Variants in PARD3 observed in about 807,000 individuals in gnomAD.
PARD3 encodes partitioning defective 3 homolog.
PARD3 carries 75 observed loss-of-function variants against 155.4 expected under a neutral mutation model. The observed-to-expected ratio is 0.48, with a 90% CI of 0.40 to 0.58. PARD3 has a LOEUF of 0.58. Among genes scored for constraint, PARD3 ranks in the 20% least tolerant of loss-of-function variants. PARD3 has a pLI of 0.00. For synonymous variants in PARD3, 576 were observed against 610.5 expected, an observed-to-expected ratio of 0.94 and a Z score of 0.83; for missense variants, 1,642 against 1,721.7, an observed-to-expected ratio of 0.95 and a Z score of 0.82.
In PARD3 at chr10:34,567,777, G is replaced by A. The variant is rs553957408; in HGVS notation, c.223-50618C>T. On this transcript the variant is annotated intron_variant, in intron 2 of 24. Coordinates refer to ENST00000374788, the MANE Select transcript of PARD3 (RefSeq NM_001184785.2). ...CTGAAACCAGCAGCTACAGCTGGAC[G>A]TGAAGCTATCAATATTGTACCAAGA... 2.6e-5 allele frequency among the ~76,000 whole-genome samples: 4 copies of A among 152,310 alleles called. No homozygotes were observed. In the East Asian group the frequency reaches 5.8e-4, roughly 22 times the overall value.
intron 16 of PARD3, among the ~76,000 whole-genome samples, chr10:34,337,952 G>A (rs1241420439): frequency 6.6e-6 from 1 of 152,242 alleles, no homozygotes; most frequent in African/African-American, 2.4e-5. Flanking sequence ...CAGTTTCTCT[G>A]AAATATTAAA....
At chr10:34,211,145 C>G (rs576376664) in intron 22 of PARD3, among the ~76,000 whole-genome samples, 1 of 152,336 alleles carries the variant, frequency 6.6e-6, no homozygotes, top group Non-Finnish European at 1.5e-5. Flanking sequence ...TAAACATTCG[C>G]TCTCTTCCCT....
At chr10:34,180,384 ATTACACTGT>A (rs1167951651) in intron 22 of PARD3, among the ~76,000 whole-genome samples, 2 of 152,264 alleles carry the variant, frequency 1.3e-5, no homozygotes, top group East Asian at 3.9e-4. Context: ...AACAATCCAA[ATTACACTGT>A]TTATAAAACT....
intron 2 of PARD3, among the ~76,000 whole-genome samples, chr10:34,681,173 T>A (rs2093810730): frequency 6.6e-6 from 1 of 152,138 alleles, no homozygotes; most frequent in African/African-American, 2.4e-5. Context: ...ACACAGCAAC[T>A]TGACTGAGTA....
At chr10:34,468,275 G>A (rs1485326746) in intron 4 of PARD3, among the ~76,000 whole-genome samples, 1 of 152,168 alleles carries the variant, frequency 6.6e-6, no homozygotes, top group African/African-American at 2.4e-5. Context: ...AACATTCTAA[G>A]TGATAAATTC....
At chr10:34,200,424 A>T (rs1044138983) in intron 22 of PARD3, among the ~76,000 whole-genome samples, 1 of 152,178 alleles carries the variant, frequency 6.6e-6, no homozygotes, top group Non-Finnish European at 1.5e-5. Context: ...CAAAGACTGA[A>T]GAGTTAACAA....
intron 4 of PARD3, among the ~76,000 whole-genome samples, chr10:34,461,165 G>A (rs577860798): frequency 2.6e-5 from 4 of 152,318 alleles, no homozygotes; most frequent in Admixed American, 6.5e-5. Flanking sequence ...AAAGTCCTTA[G>A]AATGCAAACA....
At chr10:34,595,317 T>C (rs2089149552) in intron 2 of PARD3, among the ~76,000 whole-genome samples, 1 of 152,160 alleles carries the variant, frequency 6.6e-6, no homozygotes, top group Admixed American at 6.5e-5. Flanking sequence ...AAATTTCCAT[T>C]GCAAAATATT....
chr10:34,735,191 T>A (rs2094891770), intron 1 of PARD3, among the ~76,000 whole-genome samples: 1 of 152,142 alleles, frequency 6.6e-6, no homozygotes, highest in Non-Finnish European at 1.5e-5. Context: ...AGAGATCAAT[T>A]ATCTTTTTTA....
chr10:34,746,355 G>A (rs886346737), intron 1 of PARD3, among the ~76,000 whole-genome samples: 27 of 151,850 alleles, frequency 1.8e-4, no homozygotes, highest in Admixed American at 1.1e-3. Flanking sequence ...AGGCTGAGGC[G>A]GGAGGATTGC....
chr10:34,727,570 AT>A (rs5784427), intron 1 of PARD3, among the ~76,000 whole-genome samples: 142,462 of 151,026 alleles, frequency 0.94, 67,275 homozygotes, highest in East Asian at 0.99. Context: ...TGCTATGTTT[AT>A]TTTTTTTTTG....
At chr10:34,537,716 C>T (rs970974085) in intron 2 of PARD3, among the ~76,000 whole-genome samples, 5 of 152,192 alleles carry the variant, frequency 3.3e-5, no homozygotes, top group African/African-American at 9.7e-5. Flanking sequence ...AAAGCCATTG[C>T]TTAGACATCT....
chr10:34,587,779 TA>T (rs1415018243), intron 2 of PARD3, among the ~76,000 whole-genome samples: 1 of 152,138 alleles, frequency 6.6e-6, no homozygotes, highest in East Asian at 1.9e-4. Flanking sequence ...GTTAGAAGTA[TA>T]AGGATTTCAT....
chr10:34,732,073 C>A (rs1247779754), intron 1 of PARD3, among the ~76,000 whole-genome samples: 1 of 152,156 alleles, frequency 6.6e-6, no homozygotes, highest in East Asian at 1.9e-4. Context: ...CTGTCTCTAA[C>A]TTTAAAAGGC....
chr10:34,668,343 T>TA (rs2133223670), intron 2 of PARD3, among the ~76,000 whole-genome samples: 1 of 152,350 alleles, frequency 6.6e-6, no homozygotes, highest in South Asian at 2.1e-4. Flanking sequence ...TAGTATTGTC[T>TA]ATCATGAGAT....
chr10:34,500,427 T>C (rs976240206), intron 3 of PARD3, among the ~76,000 whole-genome samples: 2 of 152,168 alleles, frequency 1.3e-5, no homozygotes, highest in African/African-American at 4.8e-5. Flanking sequence ...AAAGTTTCTG[T>C]CCAAAACAGA....
intron 24 of PARD3, 149 bp from the exon 25 acceptor site, chr10:34,111,711 G>T: frequency 1.5e-6 from 1 of 671,516 alleles, no homozygotes; most frequent in Non-Finnish European, 2.5e-6. Context: ...GATAGGGGCT[G>T]GAGAATTCAA....
intron 2 of PARD3, among the ~76,000 whole-genome samples, chr10:34,545,082 T>C (rs1477482293): frequency 6.6e-6 from 1 of 152,204 alleles, no homozygotes; most frequent in Non-Finnish European, 1.5e-5. Flanking sequence ...AAACCCAACA[T>C]GCATAATGCT....
intron 16 of PARD3, among the ~76,000 whole-genome samples, chr10:34,339,657 T>A (rs1475868446): frequency 1.3e-5 from 2 of 152,232 alleles, no homozygotes; most frequent in African/African-American, 4.8e-5. Context: ...TAGTATATTC[T>A]ATAAGTAAAC....
Sources: gnomAD v4.1 joint callset for allele counts (sites outside exome capture counted in the v4.1 genomes callset) on GRCh38, gnomAD v4.1.1 for gene constraint, MANE v1.5 for transcripts, NCBI Gene and HGNC (gene_info 2026-07-23, HGNC 2026-07-21) for gene names.